CHN2: variants seen among roughly 807,000 people sequenced by gnomAD.
The protein encoded by CHN2 is beta-chimaerin.
CHN2 carries 35 observed loss-of-function variants against 56.3 expected under a neutral mutation model. The observed-to-expected ratio is 0.62, with a 90% CI of 0.47 to 0.82. The LOEUF (loss-of-function observed/expected upper bound fraction) is 0.82, where lower values mean the gene tolerates loss of function less well. Among genes scored for constraint, CHN2 ranks in the 40% least tolerant of loss-of-function variants. The probability of loss-of-function intolerance (pLI) is 0.00; values close to 1 mark genes in which losing one functional copy is unlikely to be tolerated. For synonymous variants in CHN2, 210 were observed against 212.8 expected (o/e 0.99, Z 0.12); for missense variants, 491 against 580.5 (o/e 0.85, Z 1.58).
intron 6 of CHN2, 167 bp from the exon 7 acceptor site, chr7:29,480,112 T>C (rs1786995187): frequency 1.3e-6 from 2 of 1,552,950 alleles, no homozygotes; most frequent in Non-Finnish European, 1.7e-6. Flanking sequence ...CCAGGCACTA[T>C]GTTCTCTGAA....
intron 8 of CHN2, among the ~76,000 whole-genome samples, chr7:29,499,659 T>A (rs896928349): frequency 2.2e-4 from 33 of 152,260 alleles, no homozygotes; most frequent in South Asian, 1.0e-3. Context: ...AGAGAAGGCT[T>A]AACGAGAAAA....
intron 1 of CHN2, among the ~76,000 whole-genome samples, chr7:29,243,770 C>T (rs946648199): frequency 3.3e-5 from 5 of 152,170 alleles, no homozygotes; most frequent in African/African-American, 7.2e-5. Flanking sequence ...TTCCCACATT[C>T]GTTGTTAGCG....
At chr7:29,252,586 T>TTTTTGTTTTGTTTTG (rs56735453) in intron 1 of CHN2, among the ~76,000 whole-genome samples, 6,044 of 28,880 alleles carry the variant, frequency 0.21, 1,142 homozygotes, top group East Asian at 0.62. Context: ...TTGTTTTTTT[T>TTTTTGTTTTGTTTTG]TTTTTTTTTT....
In CHN2 at chr7:29,480,259, A is replaced by G. The variant is rs1371482445; in HGVS notation, c.577-20A>G. ...GGCGGCTTTCTTTGGCCCCCTCTCA[A>G]ACTCTTTGCCTGTTCACAGATCTCC... On this transcript the variant is annotated intron_variant, in intron 6 of 12. Transcript: ENST00000222792. The G allele has an allele frequency of 6.2e-7, 1 of 1,614,084 alleles. No individual in the cohort carries two copies. Among genetic ancestry groups the G allele is most frequent in the South Asian group, 1.1e-5 (1 of 91,072 alleles).
chr7:29,275,532 C>T (rs534421017), intron 1 of CHN2, among the ~76,000 whole-genome samples: 2 of 152,228 alleles, frequency 1.3e-5, no homozygotes, highest in East Asian at 3.9e-4. Context: ...ATAACCAGGG[C>T]AAGAATAGCA....
chr7:29,232,651 CT>C lies in CHN2; in HGVS notation c.49+37666del, dbSNP rs1786807430. ...TTTCCATCCAAGAATAGCGGTGCGT[CT>C]TTTTCACAGTGTTGGGGCTTGGTTG... On this transcript the variant is annotated intron_variant, in intron 1 of 12. Transcript: ENST00000222792. Among the ~76,000 whole-genome samples the C allele has an allele frequency of 1.4e-5, 2 of 144,286 alleles. 1 individual carries two copies. Among genetic ancestry groups the C allele is most frequent in the South Asian group, 4.3e-4 (2 of 4,646 alleles). 94.7% of individuals were successfully genotyped at this position (144,286 alleles called of 152,430 possible). A position where few individuals can be genotyped will look rare whatever the true frequency, so the allele number is the denominator to read the frequency against.
chr7:29,366,407 T>C (rs1201923648), intron 2 of CHN2, among the ~76,000 whole-genome samples: 7 of 151,938 alleles, frequency 4.6e-5, no homozygotes, highest in Admixed American at 2.6e-4. Flanking sequence ...GCAGCCAGGA[T>C]CAAAGGGTGA....
chr7:29,343,399 G>T (rs970561505), intron 1 of CHN2, among the ~76,000 whole-genome samples: 6 of 152,046 alleles, frequency 3.9e-5, no homozygotes, highest in African/African-American at 1.4e-4. Flanking sequence ...TCAACCCCTT[G>T]TCTCCCTGTA....
chr7:29,302,265 C>T (rs35000683), intron 1 of CHN2, among the ~76,000 whole-genome samples: 51,265 of 136,398 alleles, frequency 0.38, 8,974 homozygotes, highest in African/African-American at 0.46. Context: ...TGCTGCTTCT[C>T]CCTCTTCTTC....
At chr7:29,386,184 G>T (rs1800901003) in intron 3 of CHN2, among the ~76,000 whole-genome samples, 1 of 152,206 alleles carries the variant, frequency 6.6e-6, no homozygotes, top group South Asian at 2.1e-4. Context: ...TCTATGCTCT[G>T]CACTTTGACT....
At chr7:29,195,089 C>A in intron 1 of CHN2, 99 bp downstream of exon 1, 6 of 1,317,758 alleles carry the variant, frequency 4.6e-6, no homozygotes, top group East Asian at 2.8e-5. Context: ...GTGGCCATCC[C>A]GCCCGCTCTC....
chr7:29,249,892 A>G (rs1202449984), intron 1 of CHN2, among the ~76,000 whole-genome samples: 1 of 152,242 alleles, frequency 6.6e-6, no homozygotes, highest in Non-Finnish European at 1.5e-5. Context: ...TTAAAAATTT[A>G]AAAATGTGAA....
At chr7:29,253,738 A>G in intron 1 of CHN2, among the ~76,000 whole-genome samples, 1 of 152,328 alleles carries the variant, frequency 6.6e-6, no homozygotes, top group East Asian at 1.9e-4. Context: ...ATCCCTTACT[A>G]GGTATAAAAT....
chr7:29,206,169 G>A (rs1466192679), intron 1 of CHN2, among the ~76,000 whole-genome samples: 18 of 152,302 alleles, frequency 1.2e-4, no homozygotes, highest in Admixed American at 9.2e-4. Flanking sequence ...CTCAGTTACT[G>A]TCATAGGAGT....
intron 4 of CHN2, among the ~76,000 whole-genome samples, chr7:29,393,961 T>G (rs1801545427): frequency 6.6e-6 from 1 of 152,222 alleles, no homozygotes; most frequent in Non-Finnish European, 1.5e-5. Context: ...ACTGAGTGCC[T>G]GGCAAGTACT....
intron 1 of CHN2, among the ~76,000 whole-genome samples, chr7:29,286,540 C>G (rs1792167753): frequency 6.6e-6 from 1 of 152,166 alleles, no homozygotes; most frequent in East Asian, 1.9e-4. Flanking sequence ...CAGCCTTACC[C>G]TTTCTTCCTC....
At chr7:29,283,365 A>G (rs1791881745) in intron 1 of CHN2, among the ~76,000 whole-genome samples, 1 of 152,180 alleles carries the variant, frequency 6.6e-6, no homozygotes, top group African/African-American at 2.4e-5. Flanking sequence ...GAATTCTAAG[A>G]TGGTCTGCCC....
intron 1 of CHN2, among the ~76,000 whole-genome samples, chr7:29,340,088 G>A (rs1796925842): frequency 6.6e-6 from 1 of 152,042 alleles, no homozygotes. Context: ...ATGATGTGCT[G>A]TGGGAAAAAA....
intron 1 of CHN2, among the ~76,000 whole-genome samples, chr7:29,244,070 G>T (rs921181591): frequency 3.3e-5 from 5 of 152,078 alleles, no homozygotes; most frequent in Admixed American, 3.3e-4. Context: ...ACATTGAATG[G>T]TGCTTAGTTT....
Sources: gnomAD v4.1 joint callset for allele counts (sites outside exome capture counted in the v4.1 genomes callset) on GRCh38, gnomAD v4.1.1 for gene constraint, MANE v1.5 for transcripts, NCBI Gene and HGNC (gene_info 2026-07-23, HGNC 2026-07-21) for gene names.